The following SLIT2 variants were observed in gnomAD, a reference collection of about 807,000 sequenced individuals.
SLIT2 encodes slit guidance ligand 2.
SLIT2 carries 41 observed loss-of-function variants against 185.7 expected under a neutral mutation model. The ratio of observed to expected loss-of-function variants is 0.22; its 90% CI spans 0.17 to 0.29. The LOEUF (loss-of-function observed/expected upper bound fraction) is 0.29, where lower values mean the gene tolerates loss of function less well. SLIT2 is among the 10% of genes least tolerant of loss of function. The probability of loss-of-function intolerance (pLI) is 1.00; values close to 1 mark genes in which losing one functional copy is unlikely to be tolerated. For missense variants in SLIT2, 1,571 were observed against 1,909.0 expected, an observed-to-expected ratio of 0.82 and a Z score of 3.30; for synonymous variants, 693 against 680.2, an observed-to-expected ratio of 1.02 and a Z score of -0.29.
At chr4:20,443,582 T>TAAAAAAAAAAA (rs71653885) in intron 4 of SLIT2, among the ~76,000 whole-genome samples, 1 of 63,060 alleles carries the variant, frequency 1.6e-5, no homozygotes, top group Non-Finnish European at 2.8e-5. Flanking sequence ...GGAGAAAATC[T>TAAAAAAAAAAA]AAAAAAAAAA....
chr4:20,533,126 C>T (rs1350469313), intron 17 of SLIT2, among the ~76,000 whole-genome samples: 1 of 152,210 alleles, frequency 6.6e-6, no homozygotes, highest in Non-Finnish European at 1.5e-5. Flanking sequence ...TGGGAATAAA[C>T]CCATATTCAA....
chr4:20,606,987 C>G (rs1288056638), intron 33 of SLIT2, among the ~76,000 whole-genome samples: 1 of 152,192 alleles, frequency 6.6e-6, no homozygotes, highest in Non-Finnish European at 1.5e-5. Context: ...AGAGCACATA[C>G]ACTTGAGCTG....
At chr4:20,435,637 C>T (rs1000217899) in intron 4 of SLIT2, among the ~76,000 whole-genome samples, 6 of 151,834 alleles carry the variant, frequency 4.0e-5, no homozygotes, top group Admixed American at 6.6e-5. Flanking sequence ...TTAGTGCAGG[C>T]GAAGGAAATT....
rs201960523 is a variant in SLIT2 at position 20,617,656 on chromosome 4, C to A, written c.4348+6C>A. ...GGGGGACAGCTGTGATCGAGGTAAGCCAGCCCCACTGGGCACCTCATTCTC... is the reference window on the plus strand; with the variant it reads ...GGGGGACAGCTGTGATCGAGGTAAGACAGCCCCACTGGGCACCTCATTCTC... On this transcript the variant is annotated splice_donor_region_variant and intron_variant, in intron 36 of 36. Coordinates refer to ENST00000504154, the MANE Select transcript of SLIT2 (RefSeq NM_004787.4). The A allele has an allele frequency of 6.4e-5, 103 of 1,605,470 alleles. No individual in the cohort carries two copies. Among genetic ancestry groups the A allele is most frequent in the Non-Finnish European group, 7.7e-5 (91 of 1,176,126 alleles).
chr4:20,440,143 A>G (rs1230109873), intron 4 of SLIT2, among the ~76,000 whole-genome samples: 1 of 152,110 alleles, frequency 6.6e-6, no homozygotes, highest in Non-Finnish European at 1.5e-5. Flanking sequence ...ATTAAATTTG[A>G]TCATATGCTT....
intron 4 of SLIT2, among the ~76,000 whole-genome samples, chr4:20,293,385 A>G (rs913489622): frequency 2.0e-5 from 3 of 152,192 alleles, no homozygotes; most frequent in Admixed American, 6.5e-5. Context: ...GGAAAAGAGG[A>G]AGGACATTTA....
rs562674515 is a variant in SLIT2, at chr4:20,569,088, A to C, written c.3088+84A>C. 5.4e-4 allele frequency: 632 copies of C among 1,181,126 alleles called. 2 individuals carry two copies. The African/African-American group carries it at 8.0e-3, about 15-fold the overall frequency. The allele number at this position is 1,181,126 out of a possible 1,614,324, so 73.2% of individuals were successfully genotyped here. A position where few individuals can be genotyped will look rare whatever the true frequency, so the allele number is the denominator to read the frequency against. On this transcript the variant is annotated intron_variant, in intron 29 of 36. Transcript: ENST00000504154. ...GGAACTATGTTATATATGTTTAGTA[A>C]ATCTTTTTTTATTTGATAAATGGTA...
At chr4:20,455,571 T>C (rs532563749) in intron 4 of SLIT2, among the ~76,000 whole-genome samples, 2 of 152,248 alleles carry the variant, frequency 1.3e-5, no homozygotes, top group Admixed American at 1.3e-4. Flanking sequence ...AACAAAAATG[T>C]GTTATATTTA....
intron 29 of SLIT2, among the ~76,000 whole-genome samples, chr4:20,583,100 A>G (rs773393665): frequency 6.6e-6 from 1 of 152,220 alleles, no homozygotes; most frequent in Non-Finnish European, 1.5e-5. Context: ...GGGAACTGAA[A>G]CCACAGAAAA....
intron 12 of SLIT2, among the ~76,000 whole-genome samples, chr4:20,522,838 C>T (rs539747641): frequency 6.6e-6 from 1 of 152,156 alleles, no homozygotes; most frequent in East Asian, 1.9e-4. Context: ...CCAGTATGTG[C>T]TGGGCAGTCT....
At chr4:20,315,007 ATAAAATAATTAATTATTAT>A (rs139394251) in intron 4 of SLIT2, among the ~76,000 whole-genome samples, 36,105 of 116,416 alleles carry the variant, frequency 0.31, 5,191 homozygotes, top group East Asian at 0.67. Context: ...ATTACCTGTA[ATAAAATAATTAATTATTAT>A]AATTAAAAAT....
Position 20,541,487 on chromosome 4 carries a change from T to C in SLIT2, c.2011T>C (p.Tyr671His). ...GGCCAATCCTTTTAACTGTAACTGC[T>C]ACCTGGCTTGGTTGGGAGAGTGGCT... Reference protein sequence around the residue: ...LLANPFNCNCYLAWLGEWLRK... With the variant: ...LLANPFNCNCHLAWLGEWLRK... Residue 671 changes from tyrosine to histidine, a missense_variant, in exon 20 of 37, where the codon TAC (tyrosine) becomes CAC (histidine). This residue lies in a region of SLIT2 where 1,202 missense variants were observed against 1,416.4 expected (regional missense o/e 0.85). Transcript: ENST00000504154. 6.2e-7 allele frequency: 1 copy of C among 1,614,054 alleles called. No homozygotes were observed.
intron 4 of SLIT2, among the ~76,000 whole-genome samples, chr4:20,291,904 CTGTGTGTG>C (rs35335088): frequency 0.011 from 1,629 of 146,900 alleles, 16 homozygotes; most frequent in African/African-American, 0.026. Context: ...CTGCACACCT[CTGTGTGTG>C]TGTGTGTGTG....
chr4:20,499,376 A>T (rs1161324526), intron 9 of SLIT2, among the ~76,000 whole-genome samples: 3 of 152,046 alleles, frequency 2.0e-5, no homozygotes, highest in African/African-American at 7.2e-5. Flanking sequence ...ATACGCTTAA[A>T]CTTTTTGCTT....
At chr4:20,396,321 G>T (rs1434934769) in intron 4 of SLIT2, among the ~76,000 whole-genome samples, 1 of 151,758 alleles carries the variant, frequency 6.6e-6, no homozygotes, top group Non-Finnish European at 1.5e-5. Context: ...AGGCACAAAT[G>T]AAAATAAAGA....
chr4:20,555,150 G>A lies in SLIT2; in HGVS notation c.2725+1182G>A, dbSNP rs544817101. On this transcript the variant is annotated intron_variant, in intron 26 of 36. Coordinates refer to ENST00000504154, the MANE Select transcript of SLIT2 (RefSeq NM_004787.4). ...CTTGAAAATGTTAAATGTCTAATCA[G>A]AAAATATTGATTAAGCATGTTTTAT... is the stretch of plus-strand genomic sequence containing the variant. Among the ~76,000 whole-genome samples, 8 of 152,174 alleles carry A rather than the reference G, an allele frequency of 5.3e-5. 1 individual carries two copies. The highest frequency in any genetic ancestry group is 1.9e-4 in the African/African-American group (8 of 41,460).
chr4:20,329,743 A>G (rs932842562), intron 4 of SLIT2, among the ~76,000 whole-genome samples: 1 of 152,000 alleles, frequency 6.6e-6, no homozygotes, highest in Non-Finnish European at 1.5e-5. Context: ...CATGTCCATG[A>G]TGTTTGATGT....
intron 4 of SLIT2, among the ~76,000 whole-genome samples, chr4:20,334,241 C>G (rs919590373): frequency 1.3e-5 from 2 of 152,046 alleles, no homozygotes; most frequent in African/African-American, 4.8e-5. Context: ...TTTTGCACCC[C>G]CAAGAACTGT....
At chr4:20,310,983 C>T (rs1336742939) in intron 4 of SLIT2, among the ~76,000 whole-genome samples, 1 of 152,200 alleles carries the variant, frequency 6.6e-6, no homozygotes, top group Non-Finnish European at 1.5e-5. Flanking sequence ...CTCTTGGGCT[C>T]AAGTGATCCT....
Sources: gnomAD v4.1 joint callset for allele counts (sites outside exome capture counted in the v4.1 genomes callset) on GRCh38, gnomAD v4.1.1 for gene constraint, gnomAD v4.1.1 regional missense constraint, MANE v1.5 for transcripts, NCBI Gene and HGNC (gene_info 2026-07-23, HGNC 2026-07-21) for gene names.